Variants in MEGF10 observed in about 807,000 individuals in gnomAD.
MEGF10 encodes the protein multiple epidermal growth factor-like domains protein 10.
Under a neutral mutation model 147.5 loss-of-function variants are expected in MEGF10, and 86 were observed. The ratio of observed to expected loss-of-function variants is 0.58; its 90% CI spans 0.49 to 0.70. The LOEUF is 0.70. Ranked by LOEUF, MEGF10 falls within the 30% of genes least tolerant of loss-of-function variation. The pLI is 0.00. For synonymous variants in MEGF10, 478 were observed against 525.5 expected (o/e 0.91, Z 1.24); for missense variants, 1,329 against 1,487.3 (o/e 0.89, Z 1.75).
chr5:127,427,128 C>G (rs2126988030), intron 13 of MEGF10, among the ~76,000 whole-genome samples: 1 of 152,330 alleles, frequency 6.6e-6, no homozygotes, highest in Non-Finnish European at 1.5e-5. Flanking sequence ...TGGGCAGGGG[C>G]TCTTGCATAG....
Position 127,435,420 on chromosome 5 carries a change from G to C in MEGF10, c.2035G>C (p.Gly679Arg). The C allele has an allele frequency of 5.6e-6, 9 of 1,614,084 alleles. No individual in the cohort carries two copies. The highest frequency in any genetic ancestry group is 7.6e-6 in the Non-Finnish European group (9 of 1,179,994). The change falls in exon 16 of 25, where the codon GGA becomes CGA. Residue 679 changes from glycine (G) to arginine (R), a missense_variant. Gly to Arg is a moderately radical substitution (Grantham distance 125). Coordinates refer to ENST00000503335, the MANE Select transcript of MEGF10 (RefSeq NM_001256545.2). ...CAGICTCTNN[G>R]TCNPIDRSCQ... is the part of the protein sequence containing the mutation. The stretch of plus-strand genomic sequence containing the variant: ...AGGAATTTGTACCTGCACCAACAAC[G>C]GAACCTGTAACCCCATTGACAGATC...
At chr5:127,399,206 C>T (rs771179436) in intron 7 of MEGF10, among the ~76,000 whole-genome samples, 1 of 152,052 alleles carries the variant, frequency 6.6e-6, no homozygotes. Context: ...GTGCAAGTGT[C>T]ACCTGAAAAA....
intron 13 of MEGF10, among the ~76,000 whole-genome samples, chr5:127,426,633 T>C (rs1765218468): frequency 6.6e-6 from 1 of 152,218 alleles, no homozygotes; most frequent in South Asian, 2.1e-4. Flanking sequence ...ATGATTATAC[T>C]GAAATTTCAG....
intron 4 of MEGF10, among the ~76,000 whole-genome samples, chr5:127,352,369 C>T (rs892447864): frequency 6.6e-6 from 1 of 152,054 alleles, no homozygotes; most frequent in Non-Finnish European, 1.5e-5. Context: ...ACTTTAAAAA[C>T]TTATGTTTAT....
rs111290166 is a variant in MEGF10 at position 127,436,786 on chromosome 5, G to A, written c.2104+1297G>A. Among the ~76,000 whole-genome samples, 497 of 152,246 alleles carry A rather than the reference G, an allele frequency of 3.3e-3. 2 individuals are homozygous for A. Among genetic ancestry groups the A allele is most frequent in the African/African-American group, 0.011 (468 of 41,550 alleles). ...TTTGGCAAAAGCCTTTGCTTCTCCT[G>A]GGGATCATTGATTTCATTGATTCCC... is the stretch of plus-strand genomic sequence containing the variant. On this transcript the variant is annotated intron_variant, in intron 16 of 24. Transcript: ENST00000503335.
chr5:127,246,026 T>A, the MEGF10 span, among the ~76,000 whole-genome samples: 2 of 152,148 alleles, frequency 1.3e-5, no homozygotes, highest in African/African-American at 4.8e-5. Context: ...ATTAGTTTAA[T>A]CATTGTGGAA....
intron 1 of MEGF10, among the ~76,000 whole-genome samples, chr5:127,318,117 G>C (rs246947): frequency 0.64 from 97,706 of 152,012 alleles, 31,960 homozygotes; most frequent in Middle Eastern, 0.7. Flanking sequence ...AGAGACCTCA[G>C]AGTGCTGCCT....
intron 18 of MEGF10, 53 bp downstream of exon 18, chr5:127,440,920 C>T (rs921463052): frequency 3.1e-6 from 5 of 1,593,414 alleles, no homozygotes; most frequent in Admixed American, 1.7e-5. Context: ...TCTAGAATCA[C>T]ATTTCCTAGA....
At chr5:127,377,364 A>G (rs1763071535) in intron 5 of MEGF10, among the ~76,000 whole-genome samples, 1 of 152,242 alleles carries the variant, frequency 6.6e-6, no homozygotes, top group African/African-American at 2.4e-5. Flanking sequence ...ATCAGCCAGC[A>G]TATGGTTTTC....
chr5:127,428,031 C>T (rs947859774), intron 13 of MEGF10, among the ~76,000 whole-genome samples: 1 of 151,942 alleles, frequency 6.6e-6, no homozygotes, highest in African/African-American at 2.4e-5. Flanking sequence ...GTGCTCATTT[C>T]CCCCAACAAG....
intron 4 of MEGF10, among the ~76,000 whole-genome samples, chr5:127,348,577 A>G (rs1175073368): frequency 1.3e-5 from 2 of 152,178 alleles, no homozygotes; most frequent in African/African-American, 4.8e-5. Context: ...ATGTGCACAC[A>G]CGTATATGCA....
At chr5:127,291,211 T>G (rs1316585896) in intron 1 of MEGF10, among the ~76,000 whole-genome samples, 155 bp downstream of exon 1, 1 of 152,298 alleles carries the variant, frequency 6.6e-6, no homozygotes, top group South Asian at 2.1e-4. Flanking sequence ...GTTCATGCGC[T>G]TCTTAAGGGT....
At chr5:127,239,368 T>G in the MEGF10 span, among the ~76,000 whole-genome samples, 1 of 131,618 alleles carries the variant, frequency 7.6e-6, no homozygotes, top group Non-Finnish European at 1.6e-5. Flanking sequence ...AGGGGATAGA[T>G]GATGGAAGAC....
At chr5:127,369,653 A>C (rs1762782137) in intron 4 of MEGF10, among the ~76,000 whole-genome samples, 1 of 152,198 alleles carries the variant, frequency 6.6e-6, no homozygotes, top group Admixed American at 6.6e-5. Flanking sequence ...TTTTCCTTGA[A>C]ACTTCTTTTC....
At chr5:127,278,832 G>T in the MEGF10 span, among the ~76,000 whole-genome samples, 10 of 152,296 alleles carry the variant, frequency 6.6e-5, no homozygotes, top group Admixed American at 1.3e-4. Flanking sequence ...TGAGATATTG[G>T]ATGTTTGAAA....
the MEGF10 span, among the ~76,000 whole-genome samples, chr5:127,239,094 C>T: frequency 2.0e-5 from 3 of 151,976 alleles, no homozygotes; most frequent in Admixed American, 1.3e-4. Context: ...CCTGCAAAGC[C>T]GCTGGCCAGG....
At chr5:127,359,381 G>A (rs1762394403) in intron 4 of MEGF10, among the ~76,000 whole-genome samples, 1 of 151,742 alleles carries the variant, frequency 6.6e-6, no homozygotes, top group Non-Finnish European at 1.5e-5. Flanking sequence ...CTTCATGGAG[G>A]TAAAATTGAC....
At chr5:127,231,718 A>G in the MEGF10 span, among the ~76,000 whole-genome samples, 2 of 152,234 alleles carry the variant, frequency 1.3e-5, no homozygotes, top group Non-Finnish European at 2.9e-5. Flanking sequence ...AAATGACCAA[A>G]TGAGCTTAGG....
At chr5:127,271,593 T>C in the MEGF10 span, among the ~76,000 whole-genome samples, 5 of 152,244 alleles carry the variant, frequency 3.3e-5, no homozygotes, top group African/African-American at 9.6e-5. Context: ...CCATGTGTCA[T>C]GGGAGGGACC....
Sources: allele counts gnomAD v4.1 joint callset (sites outside exome capture counted in the v4.1 genomes callset), GRCh38; gene constraint gnomAD v4.1.1; transcripts MANE v1.5; gene names NCBI Gene and HGNC (gene_info 2026-07-23, HGNC 2026-07-21).